NSUN2: variants seen among roughly 807,000 people sequenced by gnomAD.
NSUN2 encodes NOP2/Sun RNA methyltransferase 2.
In NSUN2, 63 loss-of-function variants were observed where a neutral mutation model predicts 92.7. That is an observed-to-expected ratio of 0.68 (90% confidence interval 0.56 to 0.84). The LOEUF (loss-of-function observed/expected upper bound fraction) is 0.84, where lower values mean the gene tolerates loss of function less well. Ranked by LOEUF, NSUN2 falls within the 40% of genes least tolerant of loss-of-function variation. The pLI is 0.00. For missense variants in NSUN2, 989 were observed against 964.9 expected (o/e 1.02, Z -0.33); for synonymous variants, 356 against 348.3 (o/e 1.02, Z -0.25).
chr5:6,633,013 C>A lies in NSUN2; in HGVS notation c.-34G>T, dbSNP rs1361679490. 14 of 1,417,320 alleles carry A rather than the reference C, an allele frequency of 9.9e-6. No individual in the cohort carries two copies. The highest frequency in any genetic ancestry group is 5.8e-5 in the East Asian group (2 of 34,554). The allele number at this position is 1,417,320 out of a possible 1,614,324, so 87.8% of individuals were successfully genotyped here. ...CGGCCGCGCACGCAGCACGCAGAAA[C>A]CGGCCCGCCACGGCCAGAACTCTAG... On this transcript the variant is annotated 5_prime_UTR_variant, in exon 1 of 19. Coordinates refer to ENST00000264670, the MANE Select transcript of NSUN2 (RefSeq NM_017755.6).
intron 4 of NSUN2, among the ~76,000 whole-genome samples, chr5:6,624,216 G>C (rs1192290497): frequency 1.3e-5 from 2 of 152,208 alleles, no homozygotes; most frequent in Admixed American, 1.3e-4. Context: ...GTGTGATCCT[G>C]ATATGCCTGC....
chr5:6,602,400 G>T, intron 18 of NSUN2, 61 bp downstream of exon 18: 1 of 1,522,788 alleles, frequency 6.6e-7, no homozygotes, highest in South Asian at 1.1e-5. Context: ...CCTCACCAAC[G>T]AGAACACTGT....
Position 6,599,971 on chromosome 5 carries a change from G to C in NSUN2, c.2259C>G (p.Asp753Glu), listed in dbSNP as rs372574598. The change falls in exon 19 of 19, where the codon GAC becomes GAG. Residue 753 changes from aspartate (D) to glutamate (E), a missense_variant. Asp to Glu is a conservative substitution (Grantham distance 45). This residue lies in a region of NSUN2 where 626 missense variants were observed against 602.3 expected (regional missense o/e 1.04). Coordinates refer to ENST00000264670, the MANE Select transcript of NSUN2 (RefSeq NM_017755.6). ...SPDAEEANSP[D>E]VTAGCDPAGV... ...CCGCCGGGTCACAGCCTGCTGTCAC[G>C]TCTGGACTGTTGGCCTCTTCTGCAT... 1.9e-6 allele frequency: 3 copies of C among 1,614,162 alleles called. No homozygotes were observed. Among genetic ancestry groups the C allele is most frequent in the East Asian group, 2.2e-5 (1 of 44,886 alleles).
chr5:6,611,630 T>C, intron 10 of NSUN2, 95 bp downstream of exon 10: 2 of 922,976 alleles, frequency 2.2e-6, no homozygotes, highest in Non-Finnish European at 3.5e-6. Context: ...GTAGTATTTA[T>C]TCAAGTTACT....
In NSUN2 at chr5:6,623,228, G is replaced by A. The variant is rs200377019; in HGVS notation, c.523C>T (p.Arg175Trp). 4.0e-5 allele frequency: 64 copies of A among 1,605,906 alleles called. No homozygotes were observed. Among genetic ancestry groups the A allele is most frequent in the Non-Finnish European group, 4.7e-5 (55 of 1,178,086 alleles). Residue 175 changes from arginine to tryptophan, a missense_variant, in exon 5 of 19, where the codon CGG (arginine) becomes TGG (tryptophan). Coordinates refer to ENST00000264670, the MANE Select transcript of NSUN2 (RefSeq NM_017755.6). ...SMIPPLLLNVRPHHKILDMCA... is the reference protein window; with the variant it reads ...SMIPPLLLNVWPHHKILDMCA... ...CTATATGCTACCTTATGATGAGGCCGCACGTTGAGGAGCAGTGGTGGGATC... is the reference window on the plus strand; with the variant it reads ...CTATATGCTACCTTATGATGAGGCCACACGTTGAGGAGCAGTGGTGGGATC...
intron 14 of NSUN2, 123 bp downstream of exon 14, chr5:6,606,697 T>TA (rs3996725): frequency 1.4e-3 from 651 of 471,686 alleles, no homozygotes; most frequent in South Asian, 3.2e-3. Context: ...TTAAAAAGGT[T>TA]AAAAAAAAAA....
At position 6,609,846 on chromosome 5, in the gene NSUN2, A is replaced by G. The variant is rs761614556; in HGVS notation, c.1303T>C (p.Trp435Arg). 6.2e-7 allele frequency: 1 copy of G among 1,613,486 alleles called. No individual in the cohort carries two copies. Among genetic ancestry groups the G allele is most frequent in the Non-Finnish European group, 8.5e-7 (1 of 1,179,706 alleles). ...AVLVKKSSMP[W>R]NKRQPKLQGK... is the part of the protein sequence containing the mutation. ...CTCACCTTTGGCTGACGTTTATTCC[A>G]CGGCATTGAAGATTTTTTCACCAAT... The change falls in exon 12 of 19, where the codon TGG becomes CGG. Residue 435 changes from tryptophan (W) to arginine (R), a missense_variant. By Grantham distance (101) the Trp-to-Arg change is moderately radical. Transcript: ENST00000264670.
intron 3 of NSUN2, among the ~76,000 whole-genome samples, chr5:6,631,300 C>T (rs914783436): frequency 1.3e-5 from 2 of 152,220 alleles, no homozygotes; most frequent in African/African-American, 4.8e-5. Context: ...AGACTAGAAC[C>T]GAGCCATGAG....
chr5:6,602,425 C>T (rs775745427), intron 18 of NSUN2, 36 bp downstream of exon 18: 12 of 1,599,104 alleles, frequency 7.5e-6, no homozygotes, highest in East Asian at 2.2e-5. Flanking sequence ...AATGACAAGG[C>T]GTGTGTGTCT....
chr5:6,600,005 T>C lies in NSUN2; in HGVS notation c.2225A>G (p.Asn742Ser), dbSNP rs763687362. ...VTEGQRAGEP[N>S]SPDAEEANSP... is the part of the protein sequence containing the mutation. ...GTTGGCCTCTTCTGCATCTGGGCTG[T>C]TGGGCTCTCCTGCTCTCTGTCCCTC... Residue 742 changes from asparagine to serine, a missense_variant, in exon 19 of 19, where the codon AAC (asparagine) becomes AGC (serine). By Grantham distance (46) the Asn-to-Ser change is conservative (BLOSUM62 1). This residue lies in a region of NSUN2 where 626 missense variants were observed against 602.3 expected (regional missense o/e 1.04). Transcript: ENST00000264670. 1 of 1,614,234 alleles carries C rather than the reference T, an allele frequency of 6.2e-7. No homozygotes were observed. Among genetic ancestry groups the C allele is most frequent in the Admixed American group, 1.7e-5 (1 of 60,032 alleles).
At chr5:6,605,800 C>T (rs1459624718) in intron 14 of NSUN2, among the ~76,000 whole-genome samples, 7 of 151,594 alleles carry the variant, frequency 4.6e-5, no homozygotes, top group African/African-American at 1.5e-4. Context: ...CGGGTTGAAG[C>T]GGTTCTCCTG....
Position 6,618,317 on chromosome 5 carries a change from A to C in NSUN2, c.816-293T>G, listed in dbSNP as rs9313165. 0.013 allele frequency among the ~76,000 whole-genome samples: 1,953 copies of C among 152,364 alleles called. 54 individuals carry two copies. Among genetic ancestry groups the C allele is most frequent in the African/African-American group, 0.044 (1,847 of 41,582 alleles). ...CTTCCATTTGGAAAAAACACTAGCA[A>C]GACTAATTTGCAGACCTAGGACACA... On this transcript the variant is annotated intron_variant, in intron 7 of 18. Transcript: ENST00000264670.
intron 18 of NSUN2, among the ~76,000 whole-genome samples, chr5:6,601,409 C>T (rs904812196): frequency 6.6e-5 from 10 of 152,282 alleles, no homozygotes; most frequent in African/African-American, 2.2e-4. Context: ...ACACCATCCG[C>T]CTCCAGCAGG....
At chr5:6,611,862 GA>G in intron 9 of NSUN2, 64 bp from the exon 10 acceptor site, 1 of 1,367,032 alleles carries the variant, frequency 7.3e-7, no homozygotes. Flanking sequence ...TATGCTCAGT[GA>G]AAAAAACCAG....
chr5:6,610,280 T>G (rs1459854621), intron 11 of NSUN2, among the ~76,000 whole-genome samples: 1 of 151,942 alleles, frequency 6.6e-6, no homozygotes, highest in Non-Finnish European at 1.5e-5. Context: ...TCTTGCCATG[T>G]CGTCCAGGCT....
At chr5:6,602,523 T>C in intron 17 of NSUN2, 23 bp from the exon 18 acceptor site, 2 of 1,614,032 alleles carry the variant, frequency 1.2e-6, no homozygotes. Flanking sequence ...CAGACACACA[T>C]TTGCCAGGTT....
In NSUN2 at chr5:6,610,958, C is replaced by G; in HGVS notation, c.1223G>C (p.Arg408Pro). ...CCTGGAGGCCCCACCAGCTCACCATCGCTCCAGGTGCATGGCCTGCAGCTT... is the reference window on the plus strand; with the variant it reads ...CCTGGAGGCCCCACCAGCTCACCATGGCTCCAGGTGCATGGCCTGCAGCTT... The part of the protein sequence containing the change: ...PEKLQAMHLE[R>P]CLRILPHHQN... The change falls in exon 11 of 19, where the codon CGA (arginine) becomes CCA (proline). Residue 408 changes from arginine (R) to proline (P), a missense_variant. Transcript: ENST00000264670. 6.2e-7 allele frequency: 1 copy of G among 1,614,038 alleles called. No individual in the cohort carries two copies. Among genetic ancestry groups the G allele is most frequent in the Non-Finnish European group, 8.5e-7 (1 of 1,179,948 alleles).
chr5:6,631,785 C>T (rs1312591299), intron 3 of NSUN2, 88 bp downstream of exon 3: 2 of 983,238 alleles, frequency 2.0e-6, no homozygotes, highest in African/African-American at 1.6e-5. Flanking sequence ...AGCTCTTTAA[C>T]AGCAAATGCA....
Position 6,614,095 on chromosome 5 carries a change from GAAAAAAAAAAAAAAA to G in NSUN2, c.1022-2312_1022-2298del, listed in dbSNP as rs70937111. On this transcript the variant is annotated intron_variant, in intron 9 of 18. Transcript: ENST00000264670. Reference sequence around the variant, plus strand: ...TGGGCAACAGAGCGAGACTGTCTCGGAAAAAAAAAAAAAAAAAAAAAAAAAAACCCACAACACACA... The same window carrying G: ...TGGGCAACAGAGCGAGACTGTCTCGGAAAAAAAAAAAACCCACAACACACA... Among the ~76,000 whole-genome samples the G allele has an allele frequency of 1.4e-4, 5 of 34,686 alleles. 1 individual carries two copies. The highest frequency in any genetic ancestry group is 1.9e-3 in the East Asian group (2 of 1,074). 22.8% of individuals were successfully genotyped at this position (34,686 alleles called of 152,430 possible). A position where few individuals can be genotyped will look rare whatever the true frequency, so the allele number is the denominator to read the frequency against.
Sources: allele counts gnomAD v4.1 joint callset (sites outside exome capture counted in the v4.1 genomes callset), GRCh38; gene constraint gnomAD v4.1.1; regional missense constraint gnomAD v4.1.1; transcripts MANE v1.5; gene names NCBI Gene and HGNC (gene_info 2026-07-23, HGNC 2026-07-21).